Variants in CA12 observed in about 807,000 individuals in gnomAD.
CA12 encodes the protein carbonate dehydratase XII.
Under a neutral mutation model 46.8 loss-of-function variants are expected in CA12, and 36 were observed. The observed-to-expected ratio is 0.77, with a 90% CI of 0.59 to 1.02. The LOEUF is 1.02. Among genes scored for constraint, CA12 ranks in the 50% least tolerant of loss-of-function variants. The probability of loss-of-function intolerance (pLI) is 0.00; values close to 1 mark genes in which losing one functional copy is unlikely to be tolerated. For missense variants in CA12, 436 were observed against 451.4 expected (o/e 0.97, Z 0.31); for synonymous variants, 202 against 187.0 (o/e 1.08, Z -0.65).
rs936373030 is a variant in CA12 at position 63,346,618 on chromosome 15, C to T, written c.198G>A (p.Gln66=). The part of the protein sequence containing the change: ...SPIDLHSDIL[Q]YDASLTPLEF... ...CGAGGGGCGTGAGGCTGGCGTCATACTGGAGGATGTCACTGTGCAGGTCTA... is the reference window on the plus strand; with the variant it reads ...CGAGGGGCGTGAGGCTGGCGTCATATTGGAGGATGTCACTGTGCAGGTCTA... Residue 66 remains glutamine (Q), a synonymous_variant, in exon 3 of 11, where the codon CAG becomes CAA. Coordinates refer to ENST00000178638, the MANE Select transcript of CA12 (RefSeq NM_001218.5). 12 of 1,610,192 alleles carry T rather than the reference C, an allele frequency of 7.5e-6. No homozygotes were observed. In the African/African-American group the frequency reaches 1.1e-4, roughly 14 times the overall value.
chr15:63,345,628 A>C lies in CA12; in HGVS notation c.287-9T>G. The C allele has an allele frequency of 1.2e-6, 2 of 1,610,710 alleles. No homozygotes were observed. The highest frequency in any genetic ancestry group is 1.7e-6 in the Non-Finnish European group (2 of 1,179,800). On this transcript the variant is annotated splice_polypyrimidine_tract_variant and intron_variant, in intron 3 of 10. Transcript: ENST00000178638. The surrounding 1 kb of genome is among the most constrained non-coding windows in gnomAD (Gnocchi z 4.3). ...GGGCAGGTTCAGCTTCACTGCGGGG[A>C]GTGGAGGAGCAGCCTTCAGAGCCCC...
intron 2 of CA12, among the ~76,000 whole-genome samples, chr15:63,357,863 C>T (rs1009464010): frequency 6.6e-6 from 1 of 152,188 alleles, no homozygotes; most frequent in Non-Finnish European, 1.5e-5. Flanking sequence ...CACTAATCTG[C>T]TCTCTGCCTC....
chr15:63,346,727 T>C lies in CA12; in HGVS notation c.107-18A>G, dbSNP rs780577461. 1.2e-6 allele frequency: 2 copies of C among 1,613,718 alleles called. No homozygotes were observed. The highest frequency in any genetic ancestry group is 1.7e-6 in the Non-Finnish European group (2 of 1,179,608). ...ATCAGGACCTGGACACAGAGATCCA[T>C]GCTCAAGATTTAGAGTTTCTCACAA... On this transcript the variant is annotated intron_variant, in intron 2 of 10. Transcript: ENST00000178638.
In CA12 at chr15:63,323,061, A is replaced by G. The variant is rs2038814212; in HGVS notation, c.*3224T>C. 1 of 152,242 alleles carries G rather than the reference A, an allele frequency of 6.6e-6. No individual in the cohort carries two copies. The highest frequency in any genetic ancestry group is 2.4e-5 in the African/African-American group (1 of 41,462). 9.4% of individuals were successfully genotyped at this position (152,242 alleles called of 1,614,324 possible). ...ACAAAAGATTATTTGGACGGGTGAT[A>G]GTATGTTTTGCAAAAAGAATTCAAA... On this transcript the variant is annotated 3_prime_UTR_variant, in exon 11 of 11. Transcript: ENST00000178638. The surrounding 1 kb of genome is among the most constrained non-coding windows in gnomAD (Gnocchi z 5.1).
chr15:63,340,501 T>G lies in CA12; in HGVS notation c.590-56A>C. 9 of 1,604,968 alleles carry G rather than the reference T, an allele frequency of 5.6e-6. No individual in the cohort carries two copies. The highest frequency in any genetic ancestry group is 6.8e-6 in the Non-Finnish European group (8 of 1,171,608). Reference sequence around the variant, plus strand: ...TCAGCCTCCCTCCGTAGGGCATAAGTGCAGCTGAACAGAGCGACTGAGCCT... The same window carrying G: ...TCAGCCTCCCTCCGTAGGGCATAAGGGCAGCTGAACAGAGCGACTGAGCCT... On this transcript the variant is annotated intron_variant, in intron 6 of 10. Coordinates refer to ENST00000178638, the MANE Select transcript of CA12 (RefSeq NM_001218.5). The surrounding 1 kb of genome is among the most constrained non-coding windows in gnomAD (Gnocchi z 4.4).
At chr15:63,363,622 T>C (rs1030673541) in intron 2 of CA12, among the ~76,000 whole-genome samples, 1 of 152,232 alleles carries the variant, frequency 6.6e-6, no homozygotes. Context: ...CACCATTGAT[T>C]AAACAATTCA....
At position 63,379,694 on chromosome 15, in the gene CA12, C is replaced by G. The variant is rs926315831; in HGVS notation, c.85+1942G>C. 2.3e-4 allele frequency among the ~76,000 whole-genome samples: 35 copies of G among 152,330 alleles called. 1 individual carries two copies. The highest frequency in any genetic ancestry group is 7.7e-4 in the African/African-American group (32 of 41,568). On this transcript the variant is annotated intron_variant, in intron 1 of 10. Transcript: ENST00000178638. ...GAATGCCCAGAGAAAATGGTATTTA[C>G]CAAGATCCATATCAGAGGTCCTGGG...
Position 63,376,562 on chromosome 15 carries a change from C to CTTTCTTTCTT in CA12, c.86-894_86-885dup, listed in dbSNP as rs1555432638. The stretch of plus-strand genomic sequence containing the variant: ...CCCTCCCACTCTCTTTCTTTCCTTT[C>CTTTCTTTCTT]TTTCTTTCTTTCTTTCTTTCTTTCT... On this transcript the variant is annotated intron_variant, in intron 1 of 10. Coordinates refer to ENST00000178638, the MANE Select transcript of CA12 (RefSeq NM_001218.5). Among the ~76,000 whole-genome samples the CTTTCTTTCTT allele has an allele frequency of 3.3e-4, 34 of 104,226 alleles. 1 individual carries two copies. Among genetic ancestry groups the CTTTCTTTCTT allele is most frequent in the Non-Finnish European group, 5.4e-4 (27 of 50,114 alleles). 68.4% of individuals were successfully genotyped at this position (104,226 alleles called of 152,430 possible).
At chr15:63,342,614 A>G (rs2039095085) in intron 4 of CA12, among the ~76,000 whole-genome samples, 1 of 152,218 alleles carries the variant, frequency 6.6e-6, no homozygotes, top group South Asian at 2.1e-4. Flanking sequence ...CCTAAATTCC[A>G]AAAGGGAGGA....
chr15:63,376,611 TCGC>T (rs1567057092), intron 1 of CA12, among the ~76,000 whole-genome samples: 35 of 150,786 alleles, frequency 2.3e-4, no homozygotes, highest in South Asian at 4.2e-4. Context: ...TCTCTCTCTC[TCGC>T]TCTCTCTCTT....
At chr15:63,335,049 G>A (rs1350150616) in intron 8 of CA12, among the ~76,000 whole-genome samples, 1 of 152,178 alleles carries the variant, frequency 6.6e-6, no homozygotes, top group Non-Finnish European at 1.5e-5. Flanking sequence ...GAAACCCTGG[G>A]GCAGTGGTTT....
intron 2 of CA12, among the ~76,000 whole-genome samples, chr15:63,353,406 T>C (rs1390592058): frequency 6.6e-6 from 1 of 152,216 alleles, no homozygotes; most frequent in Non-Finnish European, 1.5e-5. Flanking sequence ...GGATGTGTGA[T>C]GCATTGACTC....
chr15:63,375,604 T>C, intron 2 of CA12, 54 bp downstream of exon 2: 1 of 1,189,136 alleles, frequency 8.4e-7, no homozygotes, highest in Non-Finnish European at 1.2e-6. Flanking sequence ...TCTCATTAAA[T>C]ACAACCATTT....
In CA12 at chr15:63,340,360, C is replaced by A. The variant is rs200878409; in HGVS notation, c.675G>T (p.Leu225=). Reference sequence around the variant, plus strand: ...CAGTGGGGTTGCAAGGGGGTGTGGTCAGGGACCCCCGGTAGCGGTAATATT... The same window carrying A: ...CAGTGGGGTTGCAAGGGGGTGTGGTAAGGGACCCCCGGTAGCGGTAATATT... ...TAEYYRYRGS[L]TTPPCNPTVL... The change falls in exon 7 of 11, where the codon CTG becomes CTT. Residue 225 remains leucine (L), a synonymous_variant. Transcript: ENST00000178638. The surrounding 1 kb of genome is among the most constrained non-coding windows in gnomAD (Gnocchi z 4.4). The A allele has an allele frequency of 5.0e-6, 8 of 1,614,098 alleles. No homozygotes were observed. In the South Asian group the frequency reaches 8.8e-5, roughly 18 times the overall value.
chr15:63,373,357 C>CAAAA lies in CA12; in HGVS notation c.106+2297_106+2300dup, dbSNP rs34038507. Among the ~76,000 whole-genome samples the CAAAA allele has an allele frequency of 2.2e-5, 3 of 139,122 alleles. No individual in the cohort carries two copies. The highest frequency in any genetic ancestry group is 4.2e-4 in the East Asian group (2 of 4,770). The allele number at this position is 139,122 out of a possible 152,430, so 91.3% of individuals were successfully genotyped here. Reference sequence around the variant, plus strand: ...TCCACCCTGGGTGAGAATGAGACTCCAAAAAAAAAAAAAAAATTTGTCCTC... The same window carrying CAAAA: ...TCCACCCTGGGTGAGAATGAGACTCCAAAAAAAAAAAAAAAAAAAATTTGTCCTC... On this transcript the variant is annotated intron_variant, in intron 2 of 10. Coordinates refer to ENST00000178638, the MANE Select transcript of CA12 (RefSeq NM_001218.5). This position sits in a 1 kb window ranked among gnomAD's most constrained non-coding sequence, Gnocchi z 4.9.
chr15:63,343,970 G>T (rs2039114270), intron 4 of CA12, among the ~76,000 whole-genome samples: 1 of 152,164 alleles, frequency 6.6e-6, no homozygotes, highest in East Asian at 1.9e-4. Flanking sequence ...GGGCCGCAAG[G>T]TCTTTACCCT....
In CA12 at chr15:63,328,826, G is replaced by A. The variant is rs555110531; in HGVS notation, c.875-696C>T. Among the ~76,000 whole-genome samples, 10 of 152,156 alleles carry A rather than the reference G, an allele frequency of 6.6e-5. No homozygotes were observed. The highest frequency in any genetic ancestry group is 1.0e-4 in the Non-Finnish European group (7 of 68,012). ...AGCAATTCTCATGCCTCAGCCTCCC[G>A]AGCAGCTGGGACTGCAGGCGTGCAC... On this transcript the variant is annotated intron_variant, in intron 8 of 10. Transcript: ENST00000178638. This position sits in a 1 kb window ranked among gnomAD's most constrained non-coding sequence, Gnocchi z 5.9.
Position 63,373,599 on chromosome 15 carries a change from G to A in CA12, c.106+2059C>T, listed in dbSNP as rs543329470. ...TGATTCTCTGATAGAGTGCAGCTAA[G>A]AATCACTTGGGGAGTGCGTTAAGAA... On this transcript the variant is annotated intron_variant, in intron 2 of 10. Transcript: ENST00000178638. This position sits in a 1 kb window ranked among gnomAD's most constrained non-coding sequence, Gnocchi z 4.9. Among the ~76,000 whole-genome samples the A allele has an allele frequency of 1.3e-5, 2 of 152,178 alleles. No homozygotes were observed.
At chr15:63,377,146 C>A (rs2039588151) in intron 1 of CA12, among the ~76,000 whole-genome samples, 1 of 152,180 alleles carries the variant, frequency 6.6e-6, no homozygotes, top group African/African-American at 2.4e-5. Flanking sequence ...GCTCTTGTGA[C>A]CCTGCCTGCC....
Sources: gnomAD v4.1 joint callset for allele counts (sites outside exome capture counted in the v4.1 genomes callset) on GRCh38, gnomAD v4.1.1 for gene constraint, Gnocchi (gnomAD v3.1) non-coding constraint, MANE v1.5 for transcripts, NCBI Gene and HGNC (gene_info 2026-07-23, HGNC 2026-07-21) for gene names.